Variants in SARNP observed in about 807,000 individuals in gnomAD.
The protein encoded by SARNP is SAP domain-containing ribonucleoprotein.
Under a neutral mutation model 38.1 loss-of-function variants are expected in SARNP, and 5 were observed. That is an observed-to-expected ratio of 0.13 (90% CI 0.07 to 0.28). SARNP has a LOEUF of 0.28. Ranked by LOEUF, SARNP falls within the 10% of genes least tolerant of loss-of-function variation. The pLI is 1.00. For synonymous variants in SARNP, 84 were observed against 80.6 expected (o/e 1.04, Z -0.23); for missense variants, 180 against 243.9 (o/e 0.74, Z 1.75).
chr12:55,799,343 C>T (rs941272156), intron 4 of SARNP, among the ~76,000 whole-genome samples: 1 of 152,090 alleles, frequency 6.6e-6, no homozygotes, highest in Non-Finnish European at 1.5e-5. Flanking sequence ...ACAAAATGGC[C>T]AGACATTTGT....
intron 4 of SARNP, among the ~76,000 whole-genome samples, chr12:55,799,392 T>G (rs530803003): frequency 2.2e-4 from 33 of 152,262 alleles, no homozygotes; most frequent in African/African-American, 7.9e-4. Flanking sequence ...GGATCACCCT[T>G]GTGGAACAGT....
At position 55,780,471 on chromosome 12, in the gene SARNP, AAAGAG is replaced by A. The variant is rs533064028; in HGVS notation, c.501+8599_501+8603del. On this transcript the variant is annotated intron_variant, in intron 9 of 10. Transcript: ENST00000336133. ...TGTCTCAAAAAATGAAAAAGAAAGA[AAAGAG>A]AAGAGAAGAGAAGAGAAAAGAAAAG... Among the ~76,000 whole-genome samples the A allele has an allele frequency of 1.8e-3, 269 of 152,058 alleles. 2 individuals carry two copies. Among genetic ancestry groups the A allele is most frequent in the African/African-American group, 2.0e-3 (82 of 41,484 alleles).
chr12:55,807,408 G>A (rs1458593006), intron 1 of SARNP, among the ~76,000 whole-genome samples: 1 of 151,916 alleles, frequency 6.6e-6, no homozygotes, highest in Admixed American at 6.6e-5. Context: ...GGTGGCTTAT[G>A]CTTACAATTC....
Position 55,783,162 on chromosome 12 carries a change from G to C in SARNP, c.501+5913C>G, listed in dbSNP as rs577199092. Among the ~76,000 whole-genome samples, 19 of 152,068 alleles carry C rather than the reference G, an allele frequency of 1.2e-4. No homozygotes were observed. In the South Asian group the frequency reaches 2.7e-3, roughly 22 times the overall value. Reference sequence around the variant, plus strand: ...GTGCTAAGTTCTGTCCTTCACCAACGGCACTGACCCAAACACTACTCCTCT... The same window carrying C: ...GTGCTAAGTTCTGTCCTTCACCAACCGCACTGACCCAAACACTACTCCTCT... On this transcript the variant is annotated intron_variant, in intron 9 of 10. Transcript: ENST00000336133.
chr12:55,798,646 ATTTT>A (rs34327663), intron 4 of SARNP, among the ~76,000 whole-genome samples: 52 of 151,308 alleles, frequency 3.4e-4, no homozygotes, highest in Non-Finnish European at 1.9e-4. Flanking sequence ...GCAGAACTAC[ATTTT>A]TTTTTAATGA....
At chr12:55,756,730 C>T (rs1878517148), downstream of SARNP, 2 of 152,232 alleles carry the variant, frequency 1.3e-5, no homozygotes, top group East Asian at 3.8e-4. Context: ...CAATGCGTAA[C>T]AGCTCTGACA....
In SARNP at chr12:55,810,061, T is replaced by C. The variant is rs149951782; in HGVS notation, c.37-6333A>G. 1.1e-4 allele frequency among the ~76,000 whole-genome samples: 17 copies of C among 152,336 alleles called. No homozygotes were observed. In the East Asian group the frequency reaches 2.9e-3, roughly 26 times the overall value. ...ATCCAACCCACAGAGAAAAGACATA[T>C]CAACTTACCCTCATCATACATTTGA... On this transcript the variant is annotated intron_variant, in intron 1 of 10. Coordinates refer to ENST00000336133, the MANE Select transcript of SARNP (RefSeq NM_033082.4).
chr12:55,817,274 G>A (rs1029355494), intron 1 of SARNP, among the ~76,000 whole-genome samples: 1 of 152,098 alleles, frequency 6.6e-6, no homozygotes, highest in Non-Finnish European at 1.5e-5. Context: ...AGCTTCGGAC[G>A]ACAGACTGGA....
chr12:55,808,346 T>C (rs958098951), intron 1 of SARNP, among the ~76,000 whole-genome samples: 1 of 151,442 alleles, frequency 6.6e-6, no homozygotes, highest in Non-Finnish European at 1.5e-5. Flanking sequence ...GAGATGGAGT[T>C]TCACTCTTGC....
chr12:55,766,780 G>A (rs948670501), intron 9 of SARNP, among the ~76,000 whole-genome samples: 11 of 151,970 alleles, frequency 7.2e-5, no homozygotes, highest in South Asian at 2.1e-4. Flanking sequence ...AAGCCAACAC[G>A]CCCAACTAAT....
chr12:55,798,646 AT>A lies in SARNP; in HGVS notation c.251+1915del, dbSNP rs34327663. On this transcript the variant is annotated intron_variant, in intron 4 of 10. Transcript: ENST00000336133. ...ATTAGAAAAGGACATGCAGAACTAC[AT>A]TTTTTTTTAATGAATAATCTAAATG... Among the ~76,000 whole-genome samples the A allele has an allele frequency of 3.6e-3, 538 of 151,414 alleles. 2 individuals are homozygous for A. Among genetic ancestry groups the A allele is most frequent in the African/African-American group, 0.012 (484 of 41,384 alleles).
chr12:55,762,328 CAG>C (rs1013251101), intron 9 of SARNP, among the ~76,000 whole-genome samples: 4 of 145,554 alleles, frequency 2.7e-5, no homozygotes, highest in Admixed American at 6.9e-5. Flanking sequence ...TTTTTTGAGA[CAG>C]AGTCTTACTT....
intron 9 of SARNP, among the ~76,000 whole-genome samples, chr12:55,762,305 CTTT>C (rs199874808): frequency 8.7e-5 from 12 of 137,258 alleles, no homozygotes; most frequent in East Asian, 2.1e-4. Flanking sequence ...TTCAAACAAA[CTTT>C]TTTTTTTTTT....
intron 9 of SARNP, among the ~76,000 whole-genome samples, chr12:55,769,950 G>A (rs772262): frequency 0.28 from 42,322 of 152,052 alleles, 11,913 homozygotes; most frequent in African/African-American, 0.72. Flanking sequence ...TCAGGACATA[G>A]CCCCCATTGT....
intron 9 of SARNP, among the ~76,000 whole-genome samples, chr12:55,770,936 CTT>C (rs376573673): frequency 4.7e-4 from 63 of 135,342 alleles, no homozygotes; most frequent in African/African-American, 4.8e-4. Flanking sequence ...CTTCTTCAAT[CTT>C]TTTTTTTTTT....
Position 55,817,661 on chromosome 12 carries a change from G to C in SARNP, c.36+5C>G, listed in dbSNP as rs761385392. Reference sequence around the variant, plus strand: ...CCAACTCAGCCCTTCCCCGATTCACGGTACCTTTAGCTTATGGAGCTCCAC... The same window carrying C: ...CCAACTCAGCCCTTCCCCGATTCACCGTACCTTTAGCTTATGGAGCTCCAC... On this transcript the variant is annotated splice_donor_5th_base_variant and intron_variant, in intron 1 of 10. Transcript: ENST00000336133. 2 of 1,610,748 alleles carry C rather than the reference G, an allele frequency of 1.2e-6. No individual in the cohort carries two copies. The highest frequency in any genetic ancestry group is 1.3e-5 in the African/African-American group (1 of 74,878).
chr12:55,793,137 C>G (rs1297228939), intron 7 of SARNP: 2 of 152,204 alleles, frequency 1.3e-5, no homozygotes, highest in East Asian at 3.9e-4. Context: ...CAAAAATTAG[C>G]TGGGTATGGT....
downstream of SARNP, chr12:55,754,972 AAGTT>A (rs1878459702): frequency 6.6e-6 from 1 of 152,214 alleles, no homozygotes; most frequent in Non-Finnish European, 1.5e-5. Flanking sequence ...GATAACAAGA[AAGTT>A]AGGGACACCT....
chr12:55,794,408 TA>T, intron 6 of SARNP, 21 bp from the exon 7 acceptor site: 2 of 1,605,464 alleles, frequency 1.2e-6, no homozygotes, highest in South Asian at 2.2e-5. Flanking sequence ...AAAAACAAAC[TA>T]AATTTTAGGA....
Sources: allele counts gnomAD v4.1 joint callset (sites outside exome capture counted in the v4.1 genomes callset), GRCh38; gene constraint gnomAD v4.1.1; transcripts MANE v1.5; gene names NCBI Gene and HGNC (gene_info 2026-07-23, HGNC 2026-07-21).